The following EML4 variants were observed in gnomAD, a reference collection of about 807,000 sequenced individuals.
EML4 encodes the protein EMAP like 4.
EML4 carries 72 observed loss-of-function variants against 129.0 expected under a neutral mutation model. The ratio of observed to expected loss-of-function variants is 0.56; its 90% CI spans 0.46 to 0.68. The LOEUF is 0.68. Among genes scored for constraint, EML4 ranks in the 30% least tolerant of loss-of-function variants. The probability of loss-of-function intolerance (pLI) is 0.00; values close to 1 mark genes in which losing one functional copy is unlikely to be tolerated. For missense variants in EML4, 1,363 were observed against 1,190.6 expected (o/e 1.14, Z -2.13); for synonymous variants, 532 against 405.0 (o/e 1.31, Z -3.77).
chr2:42,169,900 C>G (rs561857434), intron 1 of EML4: 2 of 396,022 alleles, frequency 5.1e-6, no homozygotes, highest in Non-Finnish European at 4.5e-6. Context: ...AAAGTGGGAA[C>G]CCCTTCCTTC....
At chr2:42,237,661 G>A (rs1674760714) in intron 1 of EML4, among the ~76,000 whole-genome samples, 1 of 152,122 alleles carries the variant, frequency 6.6e-6, no homozygotes, top group Admixed American at 6.5e-5. Context: ...CTGGTAACAA[G>A]TTGATTCACA....
At chr2:42,223,402 G>A (rs755316509) in intron 1 of EML4, among the ~76,000 whole-genome samples, 11 of 151,952 alleles carry the variant, frequency 7.2e-5, no homozygotes, top group South Asian at 2.1e-4. Context: ...ATTTTTATTT[G>A]CAAGACCCTG....
At chr2:42,179,125 C>T (rs1406249990) in intron 1 of EML4, among the ~76,000 whole-genome samples, 1 of 152,140 alleles carries the variant, frequency 6.6e-6, no homozygotes, top group Non-Finnish European at 1.5e-5. Context: ...ATTTGTGTGT[C>T]TCTGCATGTG....
At chr2:42,323,171 T>A (rs747478154) in intron 19 of EML4, among the ~76,000 whole-genome samples, 4 of 152,232 alleles carry the variant, frequency 2.6e-5, no homozygotes, top group African/African-American at 4.8e-5. Context: ...CTCAGAGGCC[T>A]GTACTTTGCC....
chr2:42,263,163 T>G lies in EML4; in HGVS notation c.513-15T>G, dbSNP rs1401558034. On this transcript the variant is annotated splice_polypyrimidine_tract_variant and intron_variant, in intron 4 of 22. Transcript: ENST00000318522. ...TACTCAGAATTTTTCTCTAAGAAAT[T>G]AATGTTCCTTCTAGCATAAAACGAC... The G allele has an allele frequency of 1.3e-6, 2 of 1,598,702 alleles. No individual in the cohort carries two copies. Among genetic ancestry groups the G allele is most frequent in the East Asian group, 2.2e-5 (1 of 44,562 alleles).
intron 4 of EML4, among the ~76,000 whole-genome samples, chr2:42,262,213 G>T (rs779847610): frequency 2.4e-4 from 37 of 152,010 alleles, no homozygotes; most frequent in Admixed American, 1.3e-4. Flanking sequence ...AATCGCTAAT[G>T]GAAATTGGGA....
intron 10 of EML4, among the ~76,000 whole-genome samples, chr2:42,287,461 C>T (rs1290793920): frequency 6.6e-6 from 1 of 152,074 alleles, no homozygotes; most frequent in East Asian, 1.9e-4. Flanking sequence ...GATAATATTC[C>T]AATTTAGGCT....
Position 42,264,749 on chromosome 2 carries a change from T to A in EML4, c.667+18T>A. 2.7e-6 allele frequency: 4 copies of A among 1,462,904 alleles called. No homozygotes were observed. Among genetic ancestry groups the A allele is most frequent in the Non-Finnish European group, 3.8e-6 (4 of 1,059,740 alleles). The allele number at this position is 1,462,904 out of a possible 1,614,324, so 90.6% of individuals were successfully genotyped here. ...CAACCAAGGTAAATTAAAAATCCTT[T>A]TAAAAATTTTATTTTGCCCTTCTTA... On this transcript the variant is annotated intron_variant, in intron 6 of 22. Transcript: ENST00000318522.
At chr2:42,304,971 T>G (rs1217777615) in intron 17 of EML4, among the ~76,000 whole-genome samples, 1 of 151,884 alleles carries the variant, frequency 6.6e-6, no homozygotes, top group Non-Finnish European at 1.5e-5. Flanking sequence ...ATACAAAAAT[T>G]AGCCAGGCGC....
intron 1 of EML4, among the ~76,000 whole-genome samples, chr2:42,181,569 T>C (rs891345398): frequency 6.6e-6 from 1 of 152,204 alleles, no homozygotes; most frequent in Admixed American, 6.5e-5. Flanking sequence ...GTGCTGGGAT[T>C]ACAGGTGTGA....
At chr2:42,292,178 CTT>C (rs1378253171) in intron 11 of EML4, among the ~76,000 whole-genome samples, 2 of 152,160 alleles carry the variant, frequency 1.3e-5, no homozygotes, top group African/African-American at 4.8e-5. Flanking sequence ...TATTTAGGAA[CTT>C]TGTGAATTGT....
At chr2:42,276,463 T>A (rs1398536887) in intron 6 of EML4, among the ~76,000 whole-genome samples, 1 of 152,204 alleles carries the variant, frequency 6.6e-6, no homozygotes, top group Non-Finnish European at 1.5e-5. Flanking sequence ...TTGTGTTGTT[T>A]TAAAGTGTAC....
At chr2:42,272,935 A>C (rs1300925533) in intron 6 of EML4, among the ~76,000 whole-genome samples, 1 of 152,188 alleles carries the variant, frequency 6.6e-6, no homozygotes, top group African/African-American at 2.4e-5. Flanking sequence ...AAATAACATT[A>C]TAGTTGAAAC....
chr2:42,332,117 A>T lies in EML4; in HGVS notation c.*1910A>T. ...GCATGTGCTATACTCCCTGCAAGAA[A>T]TATACTGACATGAACAGGCAGTTCT... is the stretch of plus-strand genomic sequence containing the variant. On this transcript the variant is annotated 3_prime_UTR_variant, in exon 23 of 23. Coordinates refer to ENST00000318522, the MANE Select transcript of EML4 (RefSeq NM_019063.5). 4.5e-6 allele frequency: 1 copy of T among 220,984 alleles called. No homozygotes were observed. The highest frequency in any genetic ancestry group is 5.8e-5 in the Admixed American group (1 of 17,384). The allele number at this position is 220,984 out of a possible 1,614,324, so 13.7% of individuals were successfully genotyped here.
intron 1 of EML4, among the ~76,000 whole-genome samples, chr2:42,215,225 A>T (rs1673113353): frequency 6.6e-6 from 1 of 152,144 alleles, no homozygotes; most frequent in African/African-American, 2.4e-5. Context: ...ACGCCTGGCT[A>T]ACTTTTATAT....
chr2:42,287,673 C>T (rs559952553), intron 10 of EML4, among the ~76,000 whole-genome samples: 1 of 152,040 alleles, frequency 6.6e-6, no homozygotes, highest in East Asian at 1.9e-4. Flanking sequence ...TTCAGAAAAA[C>T]AGGAAATTTC....
intron 3 of EML4, among the ~76,000 whole-genome samples, chr2:42,259,362 A>G (rs534320463): frequency 2.0e-5 from 3 of 152,146 alleles, no homozygotes; most frequent in East Asian, 1.9e-4. Context: ...AATATTGTCA[A>G]GAGTGTTTTC....
chr2:42,309,304 G>C (rs562761174), intron 17 of EML4, among the ~76,000 whole-genome samples: 65 of 151,822 alleles, frequency 4.3e-4, no homozygotes, highest in African/African-American at 1.5e-3. Context: ...AGCTACTCAG[G>C]AGCCTGAGGT....
In EML4 at chr2:42,330,652, G is replaced by GA. The variant is rs1670057916; in HGVS notation, c.*452dup. The GA allele has an allele frequency of 3.9e-6, 1 of 255,484 alleles. No individual in the cohort carries two copies. The highest frequency in any genetic ancestry group is 7.0e-5 in the South Asian group (1 of 14,282). 15.8% of individuals were successfully genotyped at this position (255,484 alleles called of 1,614,324 possible). A position where few individuals can be genotyped will look rare whatever the true frequency, so the allele number is the denominator to read the frequency against. ...TTTTTTTTTCCTGAAAAAGAAACCAGAAAAAAATGTACTCTTACTGAGATA... is the reference window on the plus strand; with the variant it reads ...TTTTTTTTTCCTGAAAAAGAAACCAGAAAAAAAATGTACTCTTACTGAGATA... On this transcript the variant is annotated 3_prime_UTR_variant, in exon 23 of 23. Coordinates refer to ENST00000318522, the MANE Select transcript of EML4 (RefSeq NM_019063.5).
Sources: gnomAD v4.1 joint callset for allele counts (sites outside exome capture counted in the v4.1 genomes callset) on GRCh38, gnomAD v4.1.1 for gene constraint, MANE v1.5 for transcripts, NCBI Gene and HGNC (gene_info 2026-07-23, HGNC 2026-07-21) for gene names.